The following GPR155 variants were observed in gnomAD, a reference collection of about 807,000 sequenced individuals.
GPR155 encodes the protein lysosomal cholesterol signaling protein.
GPR155 carries 65 observed loss-of-function variants against 93.1 expected under a neutral mutation model. The observed-to-expected ratio is 0.70, with a 90% confidence interval of 0.57 to 0.86. GPR155 has a LOEUF of 0.86. Ranked by LOEUF, GPR155 falls within the 40% of genes least tolerant of loss-of-function variation. The pLI is 0.00. For synonymous variants in GPR155, 319 were observed against 360.1 expected, an observed-to-expected ratio of 0.89 and a Z score of 1.29; for missense variants, 838 against 1,034.8, an observed-to-expected ratio of 0.81 and a Z score of 2.61.
At chr2:174,464,866 T>G (rs1329162468) in intron 7 of GPR155, among the ~76,000 whole-genome samples, 1 of 152,134 alleles carries the variant, frequency 6.6e-6, no homozygotes, top group Non-Finnish European at 1.5e-5. Flanking sequence ...TTGCTTCACT[T>G]CAAAAGGCTG....
rs1574692395 is a variant in GPR155, at chr2:174,440,043, T to A, written c.2175-8A>T. ...TTCCATAGGAATTCAAGTCTGAAAATCAAATTTATGGCCATTTTTAAGGAC... is the reference window on the plus strand; with the variant it reads ...TTCCATAGGAATTCAAGTCTGAAAAACAAATTTATGGCCATTTTTAAGGAC... On this transcript the variant is annotated splice_region_variant and splice_polypyrimidine_tract_variant and intron_variant, in intron 14 of 15. Transcript: ENST00000392552. 1 of 1,604,078 alleles carries A rather than the reference T, an allele frequency of 6.2e-7. No homozygotes were observed. The highest frequency in any genetic ancestry group is 2.3e-5 in the East Asian group (1 of 44,400).
At chr2:174,456,937 T>C (rs1687536468) in intron 10 of GPR155, among the ~76,000 whole-genome samples, 2 of 152,232 alleles carry the variant, frequency 1.3e-5, no homozygotes, top group South Asian at 2.1e-4. Flanking sequence ...AAATTCATAA[T>C]AGTGGTTACT....
At chr2:174,454,074 A>C (rs942617849) in intron 10 of GPR155, among the ~76,000 whole-genome samples, 1 of 152,282 alleles carries the variant, frequency 6.6e-6, no homozygotes. Flanking sequence ...GGTAGCTTAC[A>C]CCTGTTGCTT....
At chr2:174,438,175 G>C (rs1398523846) in intron 15 of GPR155, among the ~76,000 whole-genome samples, 1 of 151,986 alleles carries the variant, frequency 6.6e-6, no homozygotes, top group Non-Finnish European at 1.5e-5. Flanking sequence ...AGGAGATTGG[G>C]GCTGCAGTGA....
intron 14 of GPR155, among the ~76,000 whole-genome samples, chr2:174,441,642 C>A (rs554368737): frequency 6.6e-6 from 1 of 151,982 alleles, no homozygotes; most frequent in African/African-American, 2.4e-5. Context: ...TCCAAGTGTT[C>A]TCATTGTTCA....
rs767314090 is a variant in GPR155, at chr2:174,440,004, C to T, written c.2206G>A (p.Ala736Thr). 2.5e-6 allele frequency: 4 copies of T among 1,611,364 alleles called. No individual in the cohort carries two copies. Among genetic ancestry groups the T allele is most frequent in the Non-Finnish European group, 3.4e-6 (4 of 1,178,270 alleles). The change falls in exon 15 of 16, where the codon GCA (alanine) becomes ACA (threonine). Residue 736 changes from alanine to threonine, a missense_variant. Physicochemically the swap from Ala to Thr is moderately conservative, Grantham distance 58. Coordinates refer to ENST00000392552, the MANE Select transcript of GPR155 (RefSeq NM_152529.7). ...LEFLWNNKDT[A>T]ENRDSPVSEE... ...GAAACAGGAGAATCCCTGTTTTCTG[C>T]TGTGTCTTTATTGTTCCATAGGAAT...
At chr2:174,472,876 G>A in intron 3 of GPR155, 89 bp downstream of exon 3, 1 of 982,126 alleles carries the variant, frequency 1.0e-6, no homozygotes, top group Middle Eastern at 2.2e-4. Flanking sequence ...ATATTCAAAG[G>A]GGAAAATGGT....
chr2:174,459,776 C>T (rs913899749), intron 10 of GPR155, 102 bp downstream of exon 10: 38 of 773,162 alleles, frequency 4.9e-5, no homozygotes, highest in South Asian at 4.0e-4. Context: ...ACACAGGAGG[C>T]GGAGGTTGCA....
At chr2:174,450,658 T>C (rs1459844741) in intron 11 of GPR155, among the ~76,000 whole-genome samples, 3 of 152,312 alleles carry the variant, frequency 2.0e-5, no homozygotes, top group Non-Finnish European at 2.9e-5. Flanking sequence ...CTCCATTCTA[T>C]ATATGGGAGC....
In GPR155 at chr2:174,469,022, T is replaced by A. The variant is rs1471218456; in HGVS notation, c.1072A>T (p.Met358Leu). The A allele has an allele frequency of 6.2e-7, 1 of 1,614,088 alleles. No individual in the cohort carries two copies. The highest frequency in any genetic ancestry group is 8.5e-7 in the Non-Finnish European group (1 of 1,179,938). ...VISTFVSAPIMYVSAWLLTFP... is the reference protein window; with the variant it reads ...VISTFVSAPILYVSAWLLTFP... ...GTCAGTAACCAGGCAGAAACGTACATGATGGGAGCAGACACAAATGTGCTT... is the reference window on the plus strand; with the variant it reads ...GTCAGTAACCAGGCAGAAACGTACAAGATGGGAGCAGACACAAATGTGCTT... The change falls in exon 5 of 16, where the codon ATG (methionine) becomes TTG (leucine). Residue 358 changes from methionine to leucine, a missense_variant. Around this residue, in one of 3 missense-constraint regions of GPR155, gnomAD observed 663 missense variants for 790.1 expected, o/e 0.84. Transcript: ENST00000392552.
chr2:174,436,362 C>G lies in GPR155; in HGVS notation c.2367G>C (p.Trp789Cys), dbSNP rs376052691. ...CGGAGGCAAGGCCGACTTCAATTAG[C>G]CAGCTCACCAGGTCACAGCCACAGA... ...GTFCGCDLVS[W>C]LIEVGLASDR... The change falls in exon 16 of 16, where the codon TGG becomes TGC. Residue 789 changes from tryptophan (W) to cysteine (C), a missense_variant. Physicochemically the swap from Trp to Cys is radical, Grantham distance 215. Coordinates refer to ENST00000392552, the MANE Select transcript of GPR155 (RefSeq NM_152529.7). 3 of 1,614,110 alleles carry G rather than the reference C, an allele frequency of 1.9e-6. No homozygotes were observed. The highest frequency in any genetic ancestry group is 2.5e-6 in the Non-Finnish European group (3 of 1,180,052).
chr2:174,438,276 A>T (rs893080374), intron 15 of GPR155, among the ~76,000 whole-genome samples: 6 of 151,996 alleles, frequency 3.9e-5, no homozygotes, highest in African/African-American at 1.4e-4. Flanking sequence ...AGCTGTACAA[A>T]GTGGCAGAGA....
rs193249122 is a variant in GPR155 at position 174,446,114 on chromosome 2, C to G, written c.2013+497G>C. 1.0e-3 allele frequency among the ~76,000 whole-genome samples: 152 copies of G among 151,830 alleles called. 2 individuals carry two copies. Among genetic ancestry groups the G allele is most frequent in the African/African-American group, 3.6e-3 (150 of 41,430 alleles). ...CTGAGGTCAGGGGTTCAAGACCAGCCTGACCAACATGATGAAACCCCGTCT... is the reference window on the plus strand; with the variant it reads ...CTGAGGTCAGGGGTTCAAGACCAGCGTGACCAACATGATGAAACCCCGTCT... On this transcript the variant is annotated intron_variant, in intron 12 of 15. Transcript: ENST00000392552.
chr2:174,460,177 T>TTG lies in GPR155; in HGVS notation c.1561-91_1561-90dup, dbSNP rs1295476564. 1.3e-3 allele frequency: 1,054 copies of TTG among 795,924 alleles called. 3 individuals are homozygous for TTG. Among genetic ancestry groups the TTG allele is most frequent in the South Asian group, 1.7e-3 (91 of 54,556 alleles). 49.3% of individuals were successfully genotyped at this position (795,924 alleles called of 1,614,324 possible). On this transcript the variant is annotated intron_variant, in intron 9 of 15. Transcript: ENST00000392552. ...ACATTTTTTTTTTTTTTTTTTTTTT[T>TTG]TGAGATGGAGTCTTGCTCTGTCGCC...
intron 15 of GPR155, 58 bp from the exon 16 acceptor site, chr2:174,436,474 G>T (rs1686788630): frequency 1.3e-6 from 2 of 1,494,218 alleles, no homozygotes; most frequent in African/African-American, 1.4e-5. Context: ...AGCACTGCAT[G>T]ATAGAGGACA....
At chr2:174,439,009 A>C (rs1342590428) in intron 15 of GPR155, among the ~76,000 whole-genome samples, 1 of 152,210 alleles carries the variant, frequency 6.6e-6, no homozygotes, top group African/African-American at 2.4e-5. Context: ...AATTTAGAGA[A>C]TTGAACTTGC....
At chr2:174,467,209 T>G (rs953298196) in intron 5 of GPR155, among the ~76,000 whole-genome samples, 5 of 150,730 alleles carry the variant, frequency 3.3e-5, no homozygotes, top group African/African-American at 1.2e-4. Flanking sequence ...AAAAAAAAAC[T>G]AATGCCTTGG....
At chr2:174,466,658 T>C (rs779515330) in intron 5 of GPR155, 31 bp from the exon 6 acceptor site, 4 of 1,135,770 alleles carry the variant, frequency 3.5e-6, no homozygotes, top group Non-Finnish European at 5.3e-6. Flanking sequence ...AAGTTATTCA[T>C]GTTTCTTAAT....
intron 13 of GPR155, among the ~76,000 whole-genome samples, chr2:174,442,728 G>A (rs548974084): frequency 6.6e-6 from 1 of 152,302 alleles, no homozygotes; most frequent in South Asian, 2.1e-4. Context: ...TTGAGAGATA[G>A]GAAGTTGGGA....
Sources: gnomAD v4.1 joint callset for allele counts (sites outside exome capture counted in the v4.1 genomes callset) on GRCh38, gnomAD v4.1.1 for gene constraint, gnomAD v4.1.1 regional missense constraint, MANE v1.5 for transcripts, NCBI Gene and HGNC (gene_info 2026-07-23, HGNC 2026-07-21) for gene names.